Variants in KHDRBS3 observed in about 807,000 individuals in gnomAD.
The protein encoded by KHDRBS3 is KH domain-containing, RNA-binding, signal transduction-associated protein 3.
A neutral mutation model predicts 45.6 loss-of-function variants in KHDRBS3; 23 were observed. The observed-to-expected ratio is 0.50, with a 90% CI of 0.36 to 0.72. KHDRBS3 has a LOEUF of 0.72. Ranked by LOEUF, KHDRBS3 falls within the 30% of genes least tolerant of loss-of-function variation. The pLI is 0.00. For synonymous variants in KHDRBS3, 162 were observed against 156.5 expected (o/e 1.04, Z -0.26); for missense variants, 352 against 424.8 (o/e 0.83, Z 1.51).
At chr8:135,570,541 G>A (rs1160660895) in intron 5 of KHDRBS3, among the ~76,000 whole-genome samples, 1 of 152,098 alleles carries the variant, frequency 6.6e-6, no homozygotes, top group Non-Finnish European at 1.5e-5. Flanking sequence ...TAGGAAAATG[G>A]TAATATATTT....
intron 1 of KHDRBS3, among the ~76,000 whole-genome samples, chr8:135,495,211 C>A (rs1272271626): frequency 6.6e-6 from 1 of 152,158 alleles, no homozygotes; most frequent in Non-Finnish European, 1.5e-5. Context: ...CTGTGTTCTG[C>A]CAAAGGTGAA....
At chr8:135,566,221 C>T (rs1031128279) in intron 5 of KHDRBS3, among the ~76,000 whole-genome samples, 1 of 152,180 alleles carries the variant, frequency 6.6e-6, no homozygotes, top group Non-Finnish European at 1.5e-5. Flanking sequence ...TGAGTTGTTG[C>T]TCTCCTCGGT....
chr8:135,629,110 A>G (rs928987663), intron 7 of KHDRBS3, among the ~76,000 whole-genome samples: 2 of 152,240 alleles, frequency 1.3e-5, no homozygotes, highest in Non-Finnish European at 2.9e-5. Flanking sequence ...GAAGTATTTC[A>G]TAGTAGAAAA....
At chr8:135,551,406 G>A (rs1318681708) in intron 4 of KHDRBS3, among the ~76,000 whole-genome samples, 1 of 152,032 alleles carries the variant, frequency 6.6e-6, no homozygotes, top group Non-Finnish European at 1.5e-5. Flanking sequence ...TTGTCATGTT[G>A]AAGAAGTTCT....
intron 7 of KHDRBS3, among the ~76,000 whole-genome samples, chr8:135,632,648 A>G (rs1174864537): frequency 1.3e-5 from 2 of 151,772 alleles, no homozygotes; most frequent in Non-Finnish European, 2.9e-5. Flanking sequence ...TTTCTCTATA[A>G]ATGATAATTC....
At chr8:135,546,016 T>A (rs1349195420) in intron 3 of KHDRBS3, among the ~76,000 whole-genome samples, 1 of 152,102 alleles carries the variant, frequency 6.6e-6, no homozygotes, top group Non-Finnish European at 1.5e-5. Context: ...TGCACGTCTG[T>A]AATCCTGGCT....
intron 7 of KHDRBS3, among the ~76,000 whole-genome samples, chr8:135,611,078 C>T (rs1245415127): frequency 2.6e-5 from 4 of 151,888 alleles, no homozygotes; most frequent in Non-Finnish European, 5.9e-5. Flanking sequence ...AGGAAAGATT[C>T]ACTAAAAGAA....
intron 8 of KHDRBS3, among the ~76,000 whole-genome samples, chr8:135,646,724 G>A (rs904852984): frequency 1.8e-4 from 27 of 152,170 alleles, no homozygotes; most frequent in African/African-American, 6.5e-4. Flanking sequence ...TAACCAAAAG[G>A]AAAGTCCTTG....
At chr8:135,565,695 C>T (rs772398879) in intron 5 of KHDRBS3, among the ~76,000 whole-genome samples, 4 of 152,150 alleles carry the variant, frequency 2.6e-5, no homozygotes, top group Non-Finnish European at 4.4e-5. Flanking sequence ...CTTCCTTCTA[C>T]AGTTCCTTCC....
chr8:135,617,787 G>A (rs566357909), intron 7 of KHDRBS3, among the ~76,000 whole-genome samples: 42 of 152,290 alleles, frequency 2.8e-4, no homozygotes, highest in Admixed American at 7.8e-4. Context: ...TTCTGAGAAC[G>A]TCTCCAGTCA....
At chr8:135,500,825 T>C (rs1823700949) in intron 1 of KHDRBS3, among the ~76,000 whole-genome samples, 1 of 152,156 alleles carries the variant, frequency 6.6e-6, no homozygotes, top group Non-Finnish European at 1.5e-5. Flanking sequence ...TGCTACAAAG[T>C]AGTATAGGGT....
At chr8:135,481,223 G>GAGATATATAT (rs376347444) in intron 1 of KHDRBS3, among the ~76,000 whole-genome samples, 2 of 77,406 alleles carry the variant, frequency 2.6e-5, no homozygotes, top group African/African-American at 9.7e-5. Context: ...TGAAAGCCAC[G>GAGATATATAT]ATATATATAT....
In KHDRBS3 at chr8:135,492,211, G is replaced by A. The variant is rs113239032; in HGVS notation, c.89-29026G>A. Reference sequence around the variant, plus strand: ...AGATAATGGATATGAAAGTACTTTAGGTAGTAGATTATTAGGATTATTAGC... The same window carrying A: ...AGATAATGGATATGAAAGTACTTTAAGTAGTAGATTATTAGGATTATTAGC... On this transcript the variant is annotated intron_variant, in intron 1 of 8. Coordinates refer to ENST00000355849, the MANE Select transcript of KHDRBS3 (RefSeq NM_006558.3). Among the ~76,000 whole-genome samples, 623 of 152,066 alleles carry A rather than the reference G, an allele frequency of 4.1e-3. 11 individuals are homozygous for A. The highest frequency in any genetic ancestry group is 0.014 in the African/African-American group (565 of 41,486).
At chr8:135,499,795 G>A (rs963144150) in intron 1 of KHDRBS3, among the ~76,000 whole-genome samples, 1 of 152,100 alleles carries the variant, frequency 6.6e-6, no homozygotes, top group Non-Finnish European at 1.5e-5. Flanking sequence ...TGATCAAAGA[G>A]ACTTTTTATA....
chr8:135,530,023 G>A (rs1825390699), intron 2 of KHDRBS3, among the ~76,000 whole-genome samples: 1 of 150,350 alleles, frequency 6.7e-6, no homozygotes, highest in Admixed American at 6.7e-5. Flanking sequence ...CTGCACTCCA[G>A]CCTGAGCCTG....
In KHDRBS3 at chr8:135,488,515, G is replaced by A. The variant is rs543438773; in HGVS notation, c.88+30561G>A. Among the ~76,000 whole-genome samples, 156 of 152,296 alleles carry A rather than the reference G, an allele frequency of 1.0e-3. 2 individuals carry two copies. Among genetic ancestry groups the A allele is most frequent in the Non-Finnish European group, 1.9e-3 (127 of 68,028 alleles). ...TAAAAAAAAATTTATGCTCTTATGC[G>A]TACTGGTGTTTGGATTCAGCATCTA... On this transcript the variant is annotated intron_variant, in intron 1 of 8. Transcript: ENST00000355849.
rs534312608 is a variant in KHDRBS3, at chr8:135,551,878, G to A, written c.471+2978G>A. Reference sequence around the variant, plus strand: ...TAGCAAAAAGTCTTTTGTTTTTCTGGGAATGTCTTTATTTTACCTACATCC... The same window carrying A: ...TAGCAAAAAGTCTTTTGTTTTTCTGAGAATGTCTTTATTTTACCTACATCC... On this transcript the variant is annotated intron_variant, in intron 4 of 8. Coordinates refer to ENST00000355849, the MANE Select transcript of KHDRBS3 (RefSeq NM_006558.3). Among the ~76,000 whole-genome samples, 7 of 151,972 alleles carry A rather than the reference G, an allele frequency of 4.6e-5. No homozygotes were observed. In the South Asian group the frequency reaches 1.0e-3, roughly 23 times the overall value.
At chr8:135,603,888 G>A (rs1829329737) in intron 6 of KHDRBS3, among the ~76,000 whole-genome samples, 1 of 152,064 alleles carries the variant, frequency 6.6e-6, no homozygotes, top group South Asian at 2.1e-4. Flanking sequence ...TTCTTTTTGA[G>A]TAGTGTGCTC....
At chr8:135,481,925 T>C (rs1432754737) in intron 1 of KHDRBS3, among the ~76,000 whole-genome samples, 2 of 152,186 alleles carry the variant, frequency 1.3e-5, no homozygotes, top group Non-Finnish European at 2.9e-5. Context: ...GAGTGCTTGA[T>C]AATGGGAACA....
Sources: gnomAD v4.1 joint callset for allele counts (sites outside exome capture counted in the v4.1 genomes callset) on GRCh38, gnomAD v4.1.1 for gene constraint, MANE v1.5 for transcripts, NCBI Gene and HGNC (gene_info 2026-07-23, HGNC 2026-07-21) for gene names.